TNRC6C: variants seen among roughly 807,000 people sequenced by gnomAD.
TNRC6C encodes trinucleotide repeat containing adaptor 6C.
In TNRC6C, 20 loss-of-function variants were observed where a neutral mutation model predicts 153.7. That is an observed-to-expected ratio of 0.13 (90% CI 0.09 to 0.19). The LOEUF is 0.19. TNRC6C is among the 10% of genes least tolerant of loss of function. The pLI is 1.00. For missense variants in TNRC6C, 1,987 were observed against 2,172.0 expected (o/e 0.91, Z 1.69); for synonymous variants, 811 against 841.4 (o/e 0.96, Z 0.63).
At chr17:78,031,796 C>G in exon 2 of TNRC6C, 1 of 1,232,262 alleles carries the variant, frequency 8.1e-7, no homozygotes. Flanking sequence ...GCCCACCTCC[C>G]CTACCTGGAG....
intron 10 of TNRC6C, among the ~76,000 whole-genome samples, chr17:78,082,800 G>A (rs989083986): frequency 6.6e-6 from 1 of 152,186 alleles, no homozygotes; most frequent in Non-Finnish European, 1.5e-5. Context: ...CTCTCTGCAG[G>A]GGGAAGCACA....
intron 1 of TNRC6C, among the ~76,000 whole-genome samples, chr17:77,962,590 G>T (rs1419789416): frequency 6.6e-6 from 1 of 152,226 alleles, no homozygotes; most frequent in Non-Finnish European, 1.5e-5. Flanking sequence ...AGGATAGGTT[G>T]AGGGAGCAGG....
At chr17:77,995,613 A>G (rs946957168) in intron 1 of TNRC6C, among the ~76,000 whole-genome samples, 17 of 152,170 alleles carry the variant, frequency 1.1e-4, no homozygotes, top group Admixed American at 9.2e-4. Flanking sequence ...AATCCCAAGC[A>G]TTATTAATAA....
At chr17:78,044,174 T>C (rs1427974957) in intron 2 of TNRC6C, among the ~76,000 whole-genome samples, 1 of 152,192 alleles carries the variant, frequency 6.6e-6, no homozygotes, top group Non-Finnish European at 1.5e-5. Context: ...GATTTTGAGC[T>C]ATCAGTTCCT....
Position 78,104,506 on chromosome 17 carries a change from C to A in TNRC6C, c.4734C>A (p.Thr1578=). 1 of 1,520,428 alleles carries A rather than the reference C, an allele frequency of 6.6e-7. No individual in the cohort carries two copies. The highest frequency in any genetic ancestry group is 8.9e-7 in the Non-Finnish European group (1 of 1,129,356). The allele number at this position is 1,520,428 out of a possible 1,614,324, so 94.2% of individuals were successfully genotyped here. A position where few individuals can be genotyped will look rare whatever the true frequency, so the allele number is the denominator to read the frequency against. Residue 1578 remains threonine (T), a synonymous_variant, in exon 20 of 20, where the codon ACC becomes ACA. Coordinates refer to ENST00000301624, the Ensembl canonical transcript of TNRC6C. The surrounding 1 kb of genome is among the most constrained non-coding windows in gnomAD (Gnocchi z 6.2). ...GCAGGTGCGTCCTGGGAAACACTAC[C>A]ATCCTGGCCGAGTTCGCTGGTGAAG...
chr17:77,998,082 A>G (rs1223297128), intron 1 of TNRC6C, among the ~76,000 whole-genome samples: 1 of 152,180 alleles, frequency 6.6e-6, no homozygotes, highest in African/African-American at 2.4e-5. Flanking sequence ...AACACATACA[A>G]CCATATAACC....
At chr17:77,978,133 G>A (rs1296439202) in intron 1 of TNRC6C, among the ~76,000 whole-genome samples, 3 of 151,962 alleles carry the variant, frequency 2.0e-5, no homozygotes. Flanking sequence ...TCCTGACCTT[G>A]TGATCCACCC....
At chr17:78,019,806 A>G (rs1014224928) in intron 1 of TNRC6C, among the ~76,000 whole-genome samples, 3 of 152,226 alleles carry the variant, frequency 2.0e-5, no homozygotes, top group Admixed American at 6.5e-5. Context: ...GTAGGTTCCC[A>G]TGTGAGTCCT....
chr17:78,033,315 A>G (rs1390821803), intron 2 of TNRC6C, among the ~76,000 whole-genome samples: 4 of 152,220 alleles, frequency 2.6e-5, no homozygotes. Flanking sequence ...CTCATTAAAT[A>G]TTTATCTCTG....
At chr17:78,016,067 G>C (rs1482867862) in intron 1 of TNRC6C, among the ~76,000 whole-genome samples, 1 of 152,156 alleles carries the variant, frequency 6.6e-6, no homozygotes, top group African/African-American at 2.4e-5. Context: ...AGGGCTGAAG[G>C]GGGTAAACTC....
upstream of TNRC6C, among the ~76,000 whole-genome samples, chr17:78,002,478 C>T (rs1247874208): frequency 6.6e-6 from 1 of 152,234 alleles, no homozygotes; most frequent in Non-Finnish European, 1.5e-5. Flanking sequence ...CAAATTCTCA[C>T]TGCATTTTAT....
upstream of TNRC6C, among the ~76,000 whole-genome samples, chr17:77,958,938 C>A (rs1439034039): frequency 6.8e-6 from 1 of 146,098 alleles, no homozygotes; most frequent in Non-Finnish European, 1.5e-5. Flanking sequence ...CCCAGCCGTC[C>A]GCAGCTGCCA....
chr17:78,028,085 AGACAGGG>A (rs2071980322), intron 1 of TNRC6C, among the ~76,000 whole-genome samples: 3 of 152,034 alleles, frequency 2.0e-5, no homozygotes, highest in Middle Eastern at 3.4e-3. Flanking sequence ...TTTTTAGTAG[AGACAGGG>A]TTTCACCGTG....
chr17:78,028,466 A>G (rs1370811383), intron 1 of TNRC6C, among the ~76,000 whole-genome samples: 1 of 151,954 alleles, frequency 6.6e-6, no homozygotes, highest in Non-Finnish European at 1.5e-5. Context: ...AGAGATACTT[A>G]GCAACCTGAG....
intron 17 of TNRC6C, among the ~76,000 whole-genome samples, chr17:78,102,270 G>T (rs1026190532): frequency 1.1e-4 from 16 of 152,160 alleles, no homozygotes; most frequent in African/African-American, 3.9e-4. Context: ...GAGTCACCAC[G>T]GGGAAGTGGG....
chr17:78,019,738 A>G (rs1350136608), intron 1 of TNRC6C, among the ~76,000 whole-genome samples: 6 of 152,316 alleles, frequency 3.9e-5, no homozygotes, highest in East Asian at 1.9e-4. Context: ...AAAGAAACTA[A>G]AGTTCCCATT....
chr17:78,103,812 C>G (rs565359072), intron 19 of TNRC6C, among the ~76,000 whole-genome samples: 86 of 152,324 alleles, frequency 5.6e-4, no homozygotes, highest in Middle Eastern at 3.4e-3. Context: ...TTGTGCATGT[C>G]TGTGCCGTAA....
chr17:77,984,388 G>A (rs1028974051), intron 1 of TNRC6C, among the ~76,000 whole-genome samples: 1 of 151,718 alleles, frequency 6.6e-6, no homozygotes, highest in Non-Finnish European at 1.5e-5. Context: ...AAACAGCCAC[G>A]TGTGGTGGCG....
At chr17:77,992,790 T>G (rs1007260340) in intron 1 of TNRC6C, among the ~76,000 whole-genome samples, 31 of 152,172 alleles carry the variant, frequency 2.0e-4, no homozygotes, top group Admixed American at 1.9e-3. Context: ...TTTTCTTCCC[T>G]TGTAGAACAG....
Sources: gnomAD v4.1 joint callset for allele counts (sites outside exome capture counted in the v4.1 genomes callset) on GRCh38, gnomAD v4.1.1 for gene constraint, Gnocchi (gnomAD v3.1) non-coding constraint, MANE v1.5 for transcripts, NCBI Gene and HGNC (gene_info 2026-07-23, HGNC 2026-07-21) for gene names.